Variants in TTC39C observed in about 807,000 individuals in gnomAD.
TTC39C encodes the protein tetratricopeptide repeat domain 39C.
A neutral mutation model predicts 76.3 loss-of-function variants in TTC39C; 33 were observed. That is an observed-to-expected ratio of 0.43 (90% CI 0.33 to 0.58). The LOEUF (loss-of-function observed/expected upper bound fraction) is 0.58, where lower values mean the gene tolerates loss of function less well. TTC39C is among the 20% of genes least tolerant of loss of function. TTC39C has a pLI of 0.04. For synonymous variants in TTC39C, 254 were observed against 260.6 expected, an observed-to-expected ratio of 0.97 and a Z score of 0.24; for missense variants, 595 against 701.4, an observed-to-expected ratio of 0.85 and a Z score of 1.71.
At position 24,024,016 on chromosome 18, in the gene TTC39C, A is replaced by ATTTTTTTTT. The variant is rs1181326548; in HGVS notation, c.167+8985_167+8993dup. Among the ~76,000 whole-genome samples, 10 of 5,474 alleles carry ATTTTTTTTT rather than the reference A, an allele frequency of 1.8e-3. 2 individuals are homozygous for ATTTTTTTTT. Among genetic ancestry groups the ATTTTTTTTT allele is most frequent in the Non-Finnish European group, 1.2e-3 (4 of 3,228 alleles). The allele number at this position is 5,474 out of a possible 152,430, so 3.6% of individuals were successfully genotyped here. A position where few individuals can be genotyped will look rare whatever the true frequency, so the allele number is the denominator to read the frequency against. ...TATATATATATATATATATATATAT[A>ATTTTTTTTT]TTTTTTTTTTTTTTTGAGACGGAGT... On this transcript the variant is annotated intron_variant, in intron 1 of 13. Coordinates refer to ENST00000317571, the MANE Select transcript of TTC39C (RefSeq NM_001135993.2).
At chr18:23,993,230 G>A (rs1271462734) in intron 1 of TTC39C, among the ~76,000 whole-genome samples, 1 of 152,202 alleles carries the variant, frequency 6.6e-6, no homozygotes, top group Admixed American at 6.5e-5. Context: ...AATGCTTCCA[G>A]AATGGATTTC....
intron 6 of TTC39C, among the ~76,000 whole-genome samples, chr18:24,093,047 T>C (rs2084545172): frequency 6.6e-6 from 1 of 152,204 alleles, no homozygotes; most frequent in Non-Finnish European, 1.5e-5. Context: ...TTCAAAAATA[T>C]GTATATTTTA....
intron 7 of TTC39C, among the ~76,000 whole-genome samples, chr18:24,117,784 T>C (rs954852480): frequency 2.6e-5 from 4 of 152,300 alleles, no homozygotes; most frequent in East Asian, 1.9e-4. Flanking sequence ...CTGTTTCTTA[T>C]TGCACCTGTG....
chr18:24,102,478 T>A (rs2084689544), intron 6 of TTC39C, among the ~76,000 whole-genome samples: 1 of 152,216 alleles, frequency 6.6e-6, no homozygotes, highest in South Asian at 2.1e-4. Flanking sequence ...GAAAGCAGTG[T>A]GCATACACAA....
At position 24,133,186 on chromosome 18, in the gene TTC39C, C is replaced by T. The variant is rs971968611; in HGVS notation, c.*612C>T. 2 of 152,168 alleles carry T rather than the reference C, an allele frequency of 1.3e-5. No individual in the cohort carries two copies. Among genetic ancestry groups the T allele is most frequent in the African/African-American group, 2.4e-5 (1 of 41,444 alleles). The allele number at this position is 152,168 out of a possible 1,614,324, so 9.4% of individuals were successfully genotyped here. A position where few individuals can be genotyped will look rare whatever the true frequency, so the allele number is the denominator to read the frequency against. On this transcript the variant is annotated 3_prime_UTR_variant, in exon 14 of 14. Transcript: ENST00000317571. Reference sequence around the variant, plus strand: ...ATGAATAGAAAGCAGATCTCCTGACCACCAACTGACTTTTATTGTAAAAAT... The same window carrying T: ...ATGAATAGAAAGCAGATCTCCTGACTACCAACTGACTTTTATTGTAAAAAT...
chr18:24,041,070 T>C (rs1380513377), intron 1 of TTC39C, among the ~76,000 whole-genome samples: 17 of 152,184 alleles, frequency 1.1e-4, no homozygotes, highest in Non-Finnish European at 2.1e-4. Flanking sequence ...TGAGGGTCTG[T>C]TGGATTACTA....
At chr18:24,123,059 T>C (rs972104744) in intron 8 of TTC39C, among the ~76,000 whole-genome samples, 2 of 152,214 alleles carry the variant, frequency 1.3e-5, no homozygotes, top group African/African-American at 2.4e-5. Context: ...TTATAGGTAG[T>C]AGGCAGCCAA....
At chr18:24,089,779 G>A (rs982378472) in intron 6 of TTC39C, among the ~76,000 whole-genome samples, 1 of 152,158 alleles carries the variant, frequency 6.6e-6, no homozygotes, top group Non-Finnish European at 1.5e-5. Context: ...GACCTTTCTA[G>A]CAATATTGCT....
intron 12 of TTC39C, 98 bp from the exon 13 acceptor site, chr18:24,131,784 C>T: frequency 1.1e-6 from 1 of 935,262 alleles, no homozygotes; most frequent in Non-Finnish European, 1.7e-6. Context: ...GCTATGTCTA[C>T]AGTGAATTGT....
chr18:24,064,277 T>A (rs1043195233), intron 2 of TTC39C, 89 bp downstream of exon 2: 3 of 1,448,440 alleles, frequency 2.1e-6, no homozygotes, highest in Non-Finnish European at 2.8e-6. Flanking sequence ...ATAGATACAC[T>A]ATTGTAGAAA....
chr18:24,011,063 G>A (rs553489238), upstream of TTC39C, among the ~76,000 whole-genome samples: 1 of 152,238 alleles, frequency 6.6e-6, no homozygotes, highest in South Asian at 2.1e-4. Flanking sequence ...AAAACCGAAT[G>A]TAATTCCAAA....
intron 1 of TTC39C, among the ~76,000 whole-genome samples, chr18:24,006,886 AG>A (rs1023422688): frequency 2.4e-4 from 37 of 152,158 alleles, no homozygotes; most frequent in African/African-American, 8.2e-4. Context: ...GAGCTTCTCT[AG>A]GGCAGGGGCC....
At chr18:24,090,797 CTTTTTTTTTTTTTT>C (rs1218689781) in intron 6 of TTC39C, among the ~76,000 whole-genome samples, 2 of 79,526 alleles carry the variant, frequency 2.5e-5, no homozygotes, top group South Asian at 4.6e-4. Flanking sequence ...GATTAATTTA[CTTTTTTTTTTTTTT>C]TTTTTTTTTT....
chr18:24,112,284 C>T (rs995921989), intron 6 of TTC39C, among the ~76,000 whole-genome samples: 2 of 152,166 alleles, frequency 1.3e-5, no homozygotes, highest in African/African-American at 4.8e-5. Flanking sequence ...CCAGGATAAT[C>T]TGTCTCATCT....
chr18:24,016,914 A>G (rs2083460761), intron 1 of TTC39C, among the ~76,000 whole-genome samples: 1 of 152,336 alleles, frequency 6.6e-6, no homozygotes, highest in South Asian at 2.1e-4. Flanking sequence ...CATGACAACA[A>G]AAGAGTGAGG....
intron 6 of TTC39C, among the ~76,000 whole-genome samples, chr18:24,112,334 C>T (rs186848511): frequency 6.6e-5 from 10 of 152,328 alleles, no homozygotes; most frequent in East Asian, 5.8e-4. Flanking sequence ...ACACACTCCC[C>T]GAAGAAAGCA....
At chr18:24,014,218 C>T (rs911492396), upstream of TTC39C, among the ~76,000 whole-genome samples, 2 of 151,542 alleles carry the variant, frequency 1.3e-5, no homozygotes, top group African/African-American at 4.9e-5. Flanking sequence ...CGGGCGCGGG[C>T]TGCGTGGGGT....
intron 6 of TTC39C, among the ~76,000 whole-genome samples, chr18:24,089,601 C>T (rs1349820543): frequency 6.6e-6 from 1 of 152,170 alleles, no homozygotes; most frequent in East Asian, 1.9e-4. Context: ...AGTAACCCCA[C>T]TACACTTGCT....
intron 1 of TTC39C, among the ~76,000 whole-genome samples, chr18:24,035,417 A>G (rs1383863728): frequency 6.6e-6 from 1 of 152,198 alleles, no homozygotes; most frequent in Non-Finnish European, 1.5e-5. Context: ...AGTGGTACAC[A>G]AGGGTTCCAG....
Sources: gnomAD v4.1 joint callset for allele counts (sites outside exome capture counted in the v4.1 genomes callset) on GRCh38, gnomAD v4.1.1 for gene constraint, MANE v1.5 for transcripts, NCBI Gene and HGNC (gene_info 2026-07-23, HGNC 2026-07-21) for gene names.